The following COPG2 variants were observed in gnomAD, a reference collection of about 807,000 sequenced individuals.
COPG2 encodes the protein coat protein complex I subunit gamma 2.
Under a neutral mutation model 46.3 loss-of-function variants are expected in COPG2, and 37 were observed. That is an observed-to-expected ratio of 0.80 (90% CI 0.61 to 1.05). The LOEUF is 1.05. COPG2 is among the 50% of genes least tolerant of loss of function. The pLI is 0.00. For synonymous variants in COPG2, 159 were observed against 129.7 expected (o/e 1.23, Z -1.53); for missense variants, 427 against 387.8 (o/e 1.10, Z -0.85).
In COPG2 at chr7:130,660,368, T is replaced by C. The variant is rs899079765; in HGVS notation, c.243+2599A>G. Among the ~76,000 whole-genome samples the C allele has an allele frequency of 3.3e-5, 5 of 152,296 alleles. No homozygotes were observed. In the East Asian group the frequency reaches 9.7e-4, roughly 29 times the overall value. On this transcript the variant is annotated intron_variant, in intron 4 of 23. Transcript: ENST00000425248. ...TGACACTTTCATCAGCAAAATCCCC[T>C]ATATTCTCAAACTCTTCTCTGAATG...
Position 130,559,069 on chromosome 7 carries a change from T to C in COPG2, c.1128+1964A>G, listed in dbSNP as rs893869813. Among the ~76,000 whole-genome samples, 43 of 151,946 alleles carry C rather than the reference T, an allele frequency of 2.8e-4. No individual in the cohort carries two copies. The East Asian group carries it at 6.4e-3, about 23-fold the overall frequency. ...GGCAAATATGACTACCTAAAAAAAA[T>C]AACACTTTTGCATGTCCAAAGACAT... On this transcript the variant is annotated intron_variant, in intron 12 of 23. Transcript: ENST00000425248.
chr7:130,646,864 T>C (rs2116219891), intron 5 of COPG2, among the ~76,000 whole-genome samples: 1 of 151,638 alleles, frequency 6.6e-6, no homozygotes, highest in African/African-American at 2.4e-5. Context: ...CACGCGGAAC[T>C]GTGAGTCAAT....
At position 130,647,013 on chromosome 7, in the gene COPG2, ATATATATATATGTGTATATATATATT is replaced by A. The variant is rs1795623408; in HGVS notation, c.323+5830_323+5855del. Among the ~76,000 whole-genome samples the A allele has an allele frequency of 8.1e-4, 108 of 132,624 alleles. 1 individual carries two copies. The highest frequency in any genetic ancestry group is 5.8e-3 in the South Asian group (25 of 4,346). 87.0% of individuals were successfully genotyped at this position (132,624 alleles called of 152,430 possible). A position where few individuals can be genotyped will look rare whatever the true frequency, so the allele number is the denominator to read the frequency against. On this transcript the variant is annotated intron_variant, in intron 5 of 23. Coordinates refer to ENST00000425248, the MANE Select transcript of COPG2 (RefSeq NM_012133.6). ...TATATATATGTGTATATATATATGT[ATATATATATATGTGTATATATATATT>A]TATTTATTTATTTATTTTTAAGATG...
intron 12 of COPG2, among the ~76,000 whole-genome samples, chr7:130,560,382 GA>G (rs1404611106): frequency 6.6e-6 from 1 of 152,050 alleles, no homozygotes; most frequent in Non-Finnish European, 1.5e-5. Context: ...TCATGAAATA[GA>G]AAAATAATGT....
At chr7:130,580,654 T>TA (rs1794119964) in intron 9 of COPG2, among the ~76,000 whole-genome samples, 1 of 89,604 alleles carries the variant, frequency 1.1e-5, no homozygotes, top group Non-Finnish European at 2.1e-5. Context: ...TAAAAAATGA[T>TA]AAAGGGGATA....
intron 9 of COPG2, among the ~76,000 whole-genome samples, chr7:130,586,485 CAG>C (rs1440008669): frequency 3.3e-5 from 5 of 151,934 alleles, no homozygotes; most frequent in African/African-American, 1.2e-4. Flanking sequence ...TTTTTTGAGA[CAG>C]AGTCTCGCTG....
chr7:130,519,176 A>T, intron 20 of COPG2, among the ~76,000 whole-genome samples: 1 of 152,286 alleles, frequency 6.6e-6, no homozygotes. Context: ...AGGAGCACTG[A>T]GAATCAGAAT....
chr7:130,546,004 C>CA (rs1793436990), intron 20 of COPG2, among the ~76,000 whole-genome samples: 1 of 152,224 alleles, frequency 6.6e-6, no homozygotes, highest in African/African-American at 2.4e-5. Context: ...TATTAGTTAG[C>CA]AAAATGAACC....
intron 12 of COPG2, among the ~76,000 whole-genome samples, chr7:130,560,304 T>C (rs1793698076): frequency 6.6e-6 from 1 of 152,106 alleles, no homozygotes; most frequent in Non-Finnish European, 1.5e-5. Context: ...GCAAGACCTC[T>C]AGAGTAAACA....
intron 5 of COPG2, among the ~76,000 whole-genome samples, chr7:130,652,460 T>C (rs1280554233): frequency 6.6e-6 from 1 of 152,226 alleles, no homozygotes; most frequent in Non-Finnish European, 1.5e-5. Context: ...TGGTTACTAG[T>C]GAGAACGACT....
chr7:130,515,358 A>T (rs1209262818), intron 20 of COPG2, among the ~76,000 whole-genome samples: 1 of 152,088 alleles, frequency 6.6e-6, no homozygotes, highest in African/African-American at 2.4e-5. Flanking sequence ...CACACACTGA[A>T]AACAGTCAGG....
At chr7:130,525,328 G>T (rs1310761122) in intron 20 of COPG2, among the ~76,000 whole-genome samples, 2 of 152,254 alleles carry the variant, frequency 1.3e-5, no homozygotes, top group African/African-American at 4.8e-5. Flanking sequence ...CCGTCATCAA[G>T]GCCAGACTGT....
At position 130,668,689 on chromosome 7, in the gene COPG2, C is replaced by T. The variant is rs944354310; in HGVS notation, c.-21G>A. The T allele has an allele frequency of 6.5e-7, 1 of 1,527,270 alleles. No individual in the cohort carries two copies. Among genetic ancestry groups the T allele is most frequent in the Non-Finnish European group, 8.8e-7 (1 of 1,138,394 alleles). The allele number at this position is 1,527,270 out of a possible 1,614,324, so 94.6% of individuals were successfully genotyped here. On this transcript the variant is annotated 5_prime_UTR_variant, in exon 1 of 24. Transcript: ENST00000425248. ...ATCATCTTGGACGACTTCCCAGCGC[C>T]CAGACCCACCGCAACCGTCCCAGGC...
chr7:130,522,453 A>C (rs1232186139), intron 20 of COPG2, among the ~76,000 whole-genome samples: 3 of 152,108 alleles, frequency 2.0e-5, no homozygotes, highest in African/African-American at 7.2e-5. Flanking sequence ...AAGAACAGAA[A>C]ATATTGTACG....
chr7:130,605,480 G>A (rs751576116), intron 9 of COPG2, among the ~76,000 whole-genome samples: 63 of 152,214 alleles, frequency 4.1e-4, no homozygotes, highest in Non-Finnish European at 7.1e-4. Context: ...CAGAAGAAAT[G>A]TGGCAGAAAG....
intron 9 of COPG2, among the ~76,000 whole-genome samples, chr7:130,586,316 G>A (rs570139387): frequency 1.3e-5 from 2 of 152,116 alleles, no homozygotes; most frequent in East Asian, 3.9e-4. Context: ...GGACTTGGGG[G>A]GAGAGTGGGA....
rs1793922194 is a variant in COPG2 at position 130,572,410 on chromosome 7, A to C, written c.738-8017T>G. Among the ~76,000 whole-genome samples the C allele has an allele frequency of 2.6e-5, 4 of 152,164 alleles. No homozygotes were observed. In the South Asian group the frequency reaches 8.3e-4, roughly 31 times the overall value. On this transcript the variant is annotated intron_variant, in intron 9 of 23. Transcript: ENST00000425248. Reference sequence around the variant, plus strand: ...AACATTCAACCCAGTAACTGTAAAAATACAAATTCTTTCTCAGTGCTAATC... The same window carrying C: ...AACATTCAACCCAGTAACTGTAAAACTACAAATTCTTTCTCAGTGCTAATC...
intron 2 of COPG2, among the ~76,000 whole-genome samples, 197 bp from the exon 3 acceptor site, chr7:130,667,126 T>C (rs1342605115): frequency 3.3e-5 from 5 of 152,190 alleles, no homozygotes; most frequent in East Asian, 3.8e-4. Flanking sequence ...TTCCCTTAGG[T>C]TGACTACTTC....
At chr7:130,519,981 T>C (rs1327439941) in intron 20 of COPG2, among the ~76,000 whole-genome samples, 1 of 152,026 alleles carries the variant, frequency 6.6e-6, no homozygotes, top group Non-Finnish European at 1.5e-5. Flanking sequence ...TAGAAGGAGA[T>C]GAATTAAGAT....
Sources: allele counts gnomAD v4.1 joint callset (sites outside exome capture counted in the v4.1 genomes callset), GRCh38; gene constraint gnomAD v4.1.1; transcripts MANE v1.5; gene names NCBI Gene and HGNC (gene_info 2026-07-23, HGNC 2026-07-21).